KCNMA1: variants seen among roughly 807,000 people sequenced by gnomAD.
KCNMA1 encodes potassium calcium-activated channel subfamily M alpha 1.
In KCNMA1, 29 loss-of-function variants were observed where a neutral mutation model predicts 140.0. That is an observed-to-expected ratio of 0.21 (90% confidence interval 0.15 to 0.28). KCNMA1 has a LOEUF of 0.28. KCNMA1 is among the 10% of genes least tolerant of loss of function. The probability of loss-of-function intolerance (pLI) is 1.00; values close to 1 mark genes in which losing one functional copy is unlikely to be tolerated. For missense variants in KCNMA1, 880 were observed against 1,602.2 expected, an observed-to-expected ratio of 0.55 and a Z score of 7.70; for synonymous variants, 612 against 611.9, an observed-to-expected ratio of 1.00 and a Z score of 0.00.
intron 15 of KCNMA1, among the ~76,000 whole-genome samples, chr10:77,032,242 G>A (rs1006342285): frequency 6.6e-6 from 1 of 152,130 alleles, no homozygotes; most frequent in Non-Finnish European, 1.5e-5. Context: ...CAGAACTGAT[G>A]TTCTCTGGTT....
rs752294517 is a variant in KCNMA1, at chr10:77,268,802, T to C, written c.541-17546A>G. On this transcript the variant is annotated intron_variant, in intron 2 of 27. Transcript: ENST00000286628. ...CAGGAAAACTTAAGACCATGCAGGA[T>C]GGGCTGGCTCAATTTTGACAGAGAG... 1.6e-4 allele frequency among the ~76,000 whole-genome samples: 25 copies of C among 152,302 alleles called. No homozygotes were observed. The Middle Eastern group carries it at 0.014, about 83-fold the overall frequency.
chr10:76,924,043 T>C (rs1188414732), intron 23 of KCNMA1, among the ~76,000 whole-genome samples: 2 of 152,186 alleles, frequency 1.3e-5, no homozygotes, highest in Non-Finnish European at 2.9e-5. Context: ...GCTTGGCCAG[T>C]GTGGATCAAA....
chr10:77,089,469 C>T (rs957283695), intron 10 of KCNMA1, among the ~76,000 whole-genome samples: 2 of 152,166 alleles, frequency 1.3e-5, no homozygotes, highest in African/African-American at 4.8e-5. Context: ...TCTCTCCATT[C>T]CTGGGGCAGA....
At chr10:77,217,593 A>G (rs1395552742) in intron 3 of KCNMA1, 2 of 454,926 alleles carry the variant, frequency 4.4e-6, no homozygotes, top group East Asian at 1.4e-4. Context: ...CTTACAGATG[A>G]CACAGACAGA....
chr10:77,124,842 A>C (rs1467712623), intron 5 of KCNMA1, among the ~76,000 whole-genome samples: 1 of 152,212 alleles, frequency 6.6e-6, no homozygotes, highest in Admixed American at 6.5e-5. Flanking sequence ...TCTGCTAATA[A>C]AGACATACCC....
chr10:77,446,664 A>G (rs562617096), intron 1 of KCNMA1, among the ~76,000 whole-genome samples: 1 of 152,362 alleles, frequency 6.6e-6, no homozygotes, highest in Non-Finnish European at 1.5e-5. Flanking sequence ...AATGGGGGTC[A>G]CTTGGGAAGA....
chr10:77,563,313 T>G (rs1356994727), intron 1 of KCNMA1, among the ~76,000 whole-genome samples: 1 of 152,120 alleles, frequency 6.6e-6, no homozygotes. Context: ...TACCTCTAAA[T>G]ACTTAAAAGA....
intron 3 of KCNMA1, among the ~76,000 whole-genome samples, chr10:77,196,686 AT>A (rs1413839279): frequency 2.0e-5 from 3 of 152,222 alleles, no homozygotes; most frequent in Non-Finnish European, 4.4e-5. Context: ...GATAAGAAGC[AT>A]TCGGCTTTGT....
chr10:76,940,682 CA>C (rs1269463507), intron 23 of KCNMA1, among the ~76,000 whole-genome samples: 1 of 151,956 alleles, frequency 6.6e-6, no homozygotes, highest in African/African-American at 2.4e-5. Flanking sequence ...ATTTGTTTTC[CA>C]AAATGATAAG....
rs2093918099 is a variant in KCNMA1, at chr10:77,637,792, G to A, written c.-150C>T. 1 of 1,258,524 alleles carries A rather than the reference G, an allele frequency of 7.9e-7. No individual in the cohort carries two copies. The highest frequency in any genetic ancestry group is 4.3e-5 in the Admixed American group (1 of 23,366). The allele number at this position is 1,258,524 out of a possible 1,614,324, so 78.0% of individuals were successfully genotyped here. On this transcript the variant is annotated 5_prime_UTR_variant, in exon 1 of 28. Coordinates refer to ENST00000286628, the MANE Select transcript of KCNMA1 (RefSeq NM_001161352.2). Reference sequence around the variant, plus strand: ...CGGGAGGGGGGCGGGGAGGCGCCTGGGCTCGGGGCGCTGTGCGCGACCTGG... The same window carrying A: ...CGGGAGGGGGGCGGGGAGGCGCCTGAGCTCGGGGCGCTGTGCGCGACCTGG...
intron 3 of KCNMA1, among the ~76,000 whole-genome samples, chr10:77,208,930 C>T (rs148283036): frequency 0.016 from 2,361 of 152,258 alleles, 26 homozygotes; most frequent in Non-Finnish European, 0.024. Context: ...CTGAGCAATG[C>T]TGGTGTTCTA....
intron 5 of KCNMA1, among the ~76,000 whole-genome samples, chr10:77,152,667 A>G (rs2098437900): frequency 6.6e-6 from 1 of 152,124 alleles, no homozygotes; most frequent in East Asian, 1.9e-4. Flanking sequence ...AGTCCCTAGC[A>G]CTTACGACCT....
intron 1 of KCNMA1, among the ~76,000 whole-genome samples, chr10:77,525,352 A>G (rs1016457330): frequency 1.3e-5 from 2 of 152,220 alleles, no homozygotes; most frequent in South Asian, 2.1e-4. Flanking sequence ...TCTCTTCCAG[A>G]TGCCTTGAGG....
chr10:77,171,293 T>C (rs1182920593), intron 5 of KCNMA1, among the ~76,000 whole-genome samples: 1 of 152,116 alleles, frequency 6.6e-6, no homozygotes, highest in African/African-American at 2.4e-5. Context: ...GAACCACTGG[T>C]CTATCTAGAA....
chr10:77,243,821 G>A (rs956566274), intron 3 of KCNMA1, among the ~76,000 whole-genome samples: 2 of 152,124 alleles, frequency 1.3e-5, no homozygotes, highest in African/African-American at 2.4e-5. Flanking sequence ...ACTCCATGCT[G>A]AAACAGTACA....
At chr10:77,351,697 C>T (rs1429705055) in intron 2 of KCNMA1, among the ~76,000 whole-genome samples, 3 of 152,012 alleles carry the variant, frequency 2.0e-5, no homozygotes, top group Admixed American at 6.5e-5. Context: ...GAGTCATTCT[C>T]AAAACTAGGT....
At chr10:77,621,730 C>T (rs577822769) in intron 1 of KCNMA1, among the ~76,000 whole-genome samples, 1 of 152,076 alleles carries the variant, frequency 6.6e-6, no homozygotes, top group African/African-American at 2.4e-5. Context: ...GAGTTAGAGA[C>T]CAGCCTGGGC....
chr10:77,612,485 G>T (rs546040763), intron 1 of KCNMA1, among the ~76,000 whole-genome samples: 1 of 152,250 alleles, frequency 6.6e-6, no homozygotes, highest in South Asian at 2.1e-4. Flanking sequence ...GATTTGGAGG[G>T]GTTCATTGCG....
intron 19 of KCNMA1, chr10:76,970,553 A>G (rs2075788273): frequency 5.1e-6 from 1 of 196,882 alleles, no homozygotes; most frequent in Non-Finnish European, 1.1e-5. Context: ...CCTGCATACC[A>G]GAGAAAGAGC....
Sources: allele counts gnomAD v4.1 joint callset (sites outside exome capture counted in the v4.1 genomes callset), GRCh38; gene constraint gnomAD v4.1.1; transcripts MANE v1.5; gene names NCBI Gene and HGNC (gene_info 2026-07-23, HGNC 2026-07-21).